MYZAP: variants seen among roughly 807,000 people sequenced by gnomAD.
The protein encoded by MYZAP is GRINL1A complex locus upstream.
Under a neutral mutation model 69.4 loss-of-function variants are expected in MYZAP, and 66 were observed. The ratio of observed to expected loss-of-function variants is 0.95; its 90% CI spans 0.78 to 1.17. The LOEUF is 1.17. Ranked by LOEUF, MYZAP falls within the 50% of genes most tolerant of loss-of-function variation. The pLI is 0.00. For missense variants in MYZAP, 611 were observed against 556.2 expected, an observed-to-expected ratio of 1.10 and a Z score of -0.99; for synonymous variants, 256 against 205.9, an observed-to-expected ratio of 1.24 and a Z score of -2.09.
At chr15:57,614,457 G>A (rs542700542) in intron 2 of MYZAP, among the ~76,000 whole-genome samples, 2 of 152,350 alleles carry the variant, frequency 1.3e-5, no homozygotes, top group South Asian at 2.1e-4. Flanking sequence ...GACCTCAGGG[G>A]TCTGAAGGGT....
chr15:57,659,586 C>T (rs1371232452), intron 10 of MYZAP, among the ~76,000 whole-genome samples: 1 of 152,178 alleles, frequency 6.6e-6, no homozygotes, highest in African/African-American at 2.4e-5. Context: ...TGCTAACAAT[C>T]TTCTCAGTGA....
Position 57,672,459 on chromosome 15 carries a change from T to G in MYZAP, c.1204-2509T>G, listed in dbSNP as rs73424770. ...GAGATCTCATTAGTTGTTTCTAATC[T>G]GTTATTCAGAATGTACAGCTGTGAG... On this transcript the variant is annotated intron_variant, in intron 11 of 12. Coordinates refer to ENST00000267853, the MANE Select transcript of MYZAP (RefSeq NM_001018100.5). Among the ~76,000 whole-genome samples, 562 of 152,348 alleles carry G rather than the reference T, an allele frequency of 3.7e-3. 9 individuals are homozygous for G. Among genetic ancestry groups the G allele is most frequent in the African/African-American group, 0.013 (531 of 41,582 alleles).
At chr15:57,677,674 G>A (rs887182781) in intron 12 of MYZAP, among the ~76,000 whole-genome samples, 1 of 152,176 alleles carries the variant, frequency 6.6e-6, no homozygotes, top group Non-Finnish European at 1.5e-5. Context: ...GAGTTATGCA[G>A]AAGCGTTTTG....
chr15:57,651,974 C>T (rs1324465102), intron 10 of MYZAP, among the ~76,000 whole-genome samples: 1 of 152,016 alleles, frequency 6.6e-6, no homozygotes, highest in African/African-American at 2.4e-5. Flanking sequence ...ACCTCAGAAC[C>T]CCGTTGCAAC....
Sources: gnomAD v4.1 joint callset for allele counts (sites outside exome capture counted in the v4.1 genomes callset) on GRCh38, gnomAD v4.1.1 for gene constraint, MANE v1.5 for transcripts, NCBI Gene and HGNC (gene_info 2026-07-23, HGNC 2026-07-21) for gene names.